SYNJ1: variants seen among roughly 807,000 people sequenced by gnomAD.
SYNJ1 encodes synaptojanin 1.
In SYNJ1, 78 loss-of-function variants were observed where a neutral mutation model predicts 168.2. The ratio of observed to expected loss-of-function variants is 0.46; its 90% CI spans 0.39 to 0.56. SYNJ1 has a LOEUF of 0.56. Among genes scored for constraint, SYNJ1 ranks in the 20% least tolerant of loss-of-function variants. SYNJ1 has a pLI of 0.00. For synonymous variants in SYNJ1, 539 were observed against 548.6 expected (o/e 0.98, Z 0.24); for missense variants, 1,303 against 1,597.6 (o/e 0.82, Z 3.14).
At chr21:32,721,177 A>G (rs1341875136) in intron 2 of SYNJ1, among the ~76,000 whole-genome samples, 1 of 152,242 alleles carries the variant, frequency 6.6e-6, no homozygotes, top group Non-Finnish European at 1.5e-5. Context: ...CACCTGCTAC[A>G]CTGAACCACT....
chr21:32,727,053 G>T, intron 1 of SYNJ1, 136 bp from the exon 2 acceptor site: 2 of 1,203,020 alleles, frequency 1.7e-6, no homozygotes, highest in South Asian at 1.6e-5. Flanking sequence ...AGCTCTGGGA[G>T]AAAATGGCTT....
intron 2 of SYNJ1, among the ~76,000 whole-genome samples, chr21:32,713,572 GGAT>G (rs2042915944): frequency 6.9e-6 from 1 of 144,592 alleles, no homozygotes; most frequent in Admixed American, 6.9e-5. Flanking sequence ...ATGTCAACAT[GGAT>G]GATTTCCCAT....
chr21:32,692,570 C>T (rs1036181895), intron 6 of SYNJ1, among the ~76,000 whole-genome samples: 7 of 151,280 alleles, frequency 4.6e-5, no homozygotes, highest in Admixed American at 3.3e-4. Context: ...AGCATCATTC[C>T]GTGCCAAAAA....
intron 31 of SYNJ1, 32 bp from the exon 32 acceptor site, chr21:32,634,916 GAGTT>G (rs2039496648): frequency 6.2e-7 from 1 of 1,613,018 alleles, no homozygotes; most frequent in Non-Finnish European, 8.5e-7. Context: ...TCAAAGGAAA[GAGTT>G]AGGAGGACAA....
Position 32,641,947 on chromosome 21 carries a change from A to C in SYNJ1, c.3537T>G (p.Pro1179=), listed in dbSNP as rs2039857778. Residue 1179 remains proline (P), a synonymous_variant, in exon 29 of 33, where the codon CCT becomes CCG. Transcript: ENST00000674351. ...KDNIGRSQPS[P]QAGLAGPGPA... ...GTCCTGGGCCTGCAAGTCCTGCTTG[A>C]GGTGAAGGCTGACTGCGTCCTGGAA... 3.1e-6 allele frequency: 5 copies of C among 1,614,000 alleles called. No individual in the cohort carries two copies. The highest frequency in any genetic ancestry group is 4.2e-6 in the Non-Finnish European group (5 of 1,179,934).
chr21:32,702,521 TA>T (rs1450645267), intron 2 of SYNJ1, among the ~76,000 whole-genome samples: 1 of 152,156 alleles, frequency 6.6e-6, no homozygotes, highest in African/African-American at 2.4e-5. Flanking sequence ...CTATTATGAT[TA>T]TTCTATTGAG....
chr21:32,676,430 C>A, intron 12 of SYNJ1, 75 bp from the exon 13 acceptor site: 3 of 1,453,856 alleles, frequency 2.1e-6, no homozygotes, highest in Admixed American at 2.0e-5. Context: ...AGTATAGTGA[C>A]AAAACATTTT....
intron 17 of SYNJ1, among the ~76,000 whole-genome samples, chr21:32,665,437 A>T (rs1281040033): frequency 6.6e-6 from 1 of 152,238 alleles, no homozygotes; most frequent in Non-Finnish European, 1.5e-5. Context: ...TGCACATCTG[A>T]CTGCTTCCTC....
intron 5 of SYNJ1, 147 bp from the exon 6 acceptor site, chr21:32,694,458 T>TACAAG: frequency 1.9e-6 from 1 of 536,740 alleles, no homozygotes; most frequent in Non-Finnish European, 2.9e-6. Flanking sequence ...CAGGCCACTA[T>TACAAG]ACAGGTTTGA....
intron 1 of SYNJ1, 98 bp from the exon 2 acceptor site, chr21:32,727,015 TG>T (rs1207560873): frequency 3.1e-5 from 46 of 1,492,042 alleles, no homozygotes; most frequent in East Asian, 6.9e-5. Context: ...CAGGTTTTGA[TG>T]GGGGGTTGGG....
At chr21:32,688,664 T>C (rs2041917468) in intron 6 of SYNJ1, among the ~76,000 whole-genome samples, 1 of 152,218 alleles carries the variant, frequency 6.6e-6, no homozygotes, top group Admixed American at 6.5e-5. Context: ...TCATATATGG[T>C]ACTTTGTTTT....
chr21:32,642,242 A>G (rs1730248174), intron 27 of SYNJ1, 109 bp from the exon 28 acceptor site: 10 of 1,198,948 alleles, frequency 8.3e-6, no homozygotes, highest in Non-Finnish European at 1.2e-5. Context: ...TGGGGGCATG[A>G]GATGGTAACA....
intron 25 of SYNJ1, 80 bp from the exon 26 acceptor site, chr21:32,645,086 A>G: frequency 7.3e-7 from 1 of 1,369,350 alleles, no homozygotes; most frequent in Non-Finnish European, 1.0e-6. Flanking sequence ...TTGCTATAGT[A>G]TCCATGACAT....
chr21:32,727,901 T>TG (rs2043545885), intron 1 of SYNJ1, 45 bp downstream of exon 1: 1 of 1,529,478 alleles, frequency 6.5e-7, no homozygotes. Flanking sequence ...CGGCTGCCCG[T>TG]GGGTCTGGCC....
At chr21:32,660,099 G>A (rs2040628800) in intron 18 of SYNJ1, among the ~76,000 whole-genome samples, 1 of 152,222 alleles carries the variant, frequency 6.6e-6, no homozygotes, top group Non-Finnish European at 1.5e-5. Flanking sequence ...CACTCTATGT[G>A]TCAGAAAGAT....
chr21:32,658,610 C>A (rs1170856996), intron 18 of SYNJ1: 1 of 152,296 alleles, frequency 6.6e-6, no homozygotes, highest in East Asian at 1.9e-4. Flanking sequence ...GGCAGCAGAG[C>A]TAAAACAGCA....
chr21:32,635,094 T>C (rs941759628), intron 31 of SYNJ1, among the ~76,000 whole-genome samples: 1 of 152,260 alleles, frequency 6.6e-6, no homozygotes, highest in African/African-American at 2.4e-5. Flanking sequence ...TTTAGTTTTG[T>C]CTGAGGTTGA....
At chr21:32,650,443 A>G (rs1183554096) in intron 22 of SYNJ1, 97 bp from the exon 23 acceptor site, 1 of 1,034,218 alleles carries the variant, frequency 9.7e-7, no homozygotes, top group African/African-American at 1.7e-5. Flanking sequence ...AATGGTATAG[A>G]CAGTTAATTT....
chr21:32,709,445 T>C (rs998019774), intron 2 of SYNJ1, among the ~76,000 whole-genome samples: 1 of 145,912 alleles, frequency 6.9e-6, no homozygotes, highest in African/African-American at 2.6e-5. Flanking sequence ...CCACCGCCTT[T>C]CCACCCTGGG....
Sources: gnomAD v4.1 joint callset for allele counts (sites outside exome capture counted in the v4.1 genomes callset) on GRCh38, gnomAD v4.1.1 for gene constraint, MANE v1.5 for transcripts, NCBI Gene and HGNC (gene_info 2026-07-23, HGNC 2026-07-21) for gene names.